CCDC102B: variants seen among roughly 807,000 people sequenced by gnomAD.
The protein encoded by CCDC102B is coiled-coil domain containing 102B.
CCDC102B carries 75 observed loss-of-function variants against 57.4 expected under a neutral mutation model. That is an observed-to-expected ratio of 1.31 (90% CI 1.08 to 1.58). The LOEUF is 1.58. CCDC102B is among the 40% of genes most tolerant of loss of function. CCDC102B has a pLI of 0.00. For missense variants in CCDC102B, 636 were observed against 582.6 expected (o/e 1.09, Z -0.94); for synonymous variants, 206 against 201.9 (o/e 1.02, Z -0.17).
At position 68,897,395 on chromosome 18, in the gene CCDC102B, G is replaced by C. The variant is rs377124130; in HGVS notation, c.1230G>C (p.Lys410Asn). ...LSANSQSPDF[K>N]MSQIDLQEKN... ...CAAACTCTCAAAGTCCTGATTTCAA[G>C]ATGTCACAAATTGATCTGCAAGAAA... is the stretch of plus-strand genomic sequence containing the variant. Residue 410 changes from lysine to asparagine, a missense_variant, in exon 6 of 8, where the codon AAG becomes AAC. Transcript: ENST00000360242. The C allele has an allele frequency of 6.2e-7, 1 of 1,611,848 alleles. No individual in the cohort carries two copies. The highest frequency in any genetic ancestry group is 8.5e-7 in the Non-Finnish European group (1 of 1,178,900).
chr18:69,024,115 G>A (rs2051921265), intron 7 of CCDC102B, among the ~76,000 whole-genome samples: 1 of 151,900 alleles, frequency 6.6e-6, no homozygotes, highest in Non-Finnish European at 1.5e-5. Context: ...ACGCTTTGGA[G>A]GTATTAAAGT....
intron 1 of CCDC102B, among the ~76,000 whole-genome samples, chr18:68,799,901 C>T (rs549135417): frequency 1.8e-4 from 27 of 152,198 alleles, no homozygotes; most frequent in African/African-American, 6.0e-4. Context: ...CTTAACATTG[C>T]ACACAGAAAA....
intron 7 of CCDC102B, among the ~76,000 whole-genome samples, chr18:69,045,314 C>CAAAAAA (rs2052533917): frequency 6.6e-6 from 1 of 151,940 alleles, no homozygotes; most frequent in Non-Finnish European, 1.5e-5. Flanking sequence ...TACAAACAAA[C>CAAAAAA]TTTTCTAGTG....
chr18:69,043,421 C>T (rs56317402), intron 7 of CCDC102B, among the ~76,000 whole-genome samples: 30 of 152,094 alleles, frequency 2.0e-4, no homozygotes, highest in Middle Eastern at 3.4e-3. Context: ...GGCTTGGGGA[C>T]GGTCAGGTCT....
intron 6 of CCDC102B, among the ~76,000 whole-genome samples, chr18:68,898,925 G>A (rs2040336589): frequency 6.6e-6 from 1 of 152,026 alleles, no homozygotes; most frequent in Non-Finnish European, 1.5e-5. Flanking sequence ...CCTGTTTGGA[G>A]CTGGCATTGG....
intron 6 of CCDC102B, among the ~76,000 whole-genome samples, chr18:68,923,547 C>A (rs2041362716): frequency 6.6e-6 from 1 of 151,890 alleles, no homozygotes; most frequent in African/African-American, 2.4e-5. Context: ...AAAAAGTTAG[C>A]TGATAGGTAT....
chr18:69,021,983 T>C (rs1351676293), intron 7 of CCDC102B, among the ~76,000 whole-genome samples: 1 of 152,158 alleles, frequency 6.6e-6, no homozygotes, highest in African/African-American at 2.4e-5. Context: ...TCTGCTCCTC[T>C]TCATAACTTG....
chr18:68,995,504 G>T (rs1207394060), intron 6 of CCDC102B, among the ~76,000 whole-genome samples: 1 of 152,118 alleles, frequency 6.6e-6, no homozygotes, highest in Non-Finnish European at 1.5e-5. Flanking sequence ...GTAGCTAAAA[G>T]GGGCCAACAT....
rs1423000385 is a variant in CCDC102B at position 68,789,955 on chromosome 18, G to C, written c.-66-33411G>C. Among the ~76,000 whole-genome samples the C allele has an allele frequency of 2.0e-5, 3 of 151,678 alleles. No homozygotes were observed. In the East Asian group the frequency reaches 5.8e-4, roughly 30 times the overall value. On this transcript the variant is annotated intron_variant, in intron 2 of 3. Transcript: ENST00000578970. Reference sequence around the variant, plus strand: ...TCTGTTCTGTTTTTTCCCCATCTTTGTGGTTTTATCTACTTTTGGTCTTTG... The same window carrying C: ...TCTGTTCTGTTTTTTCCCCATCTTTCTGGTTTTATCTACTTTTGGTCTTTG...
intron 1 of CCDC102B, among the ~76,000 whole-genome samples, chr18:68,798,857 T>C (rs1422650220): frequency 6.6e-6 from 1 of 152,076 alleles, no homozygotes; most frequent in East Asian, 1.9e-4. Context: ...TTGGGAAGCA[T>C]TTGCTTACGT....
At chr18:68,820,786 C>T (rs921814572) in intron 1 of CCDC102B, among the ~76,000 whole-genome samples, 10 of 152,124 alleles carry the variant, frequency 6.6e-5, no homozygotes, top group Non-Finnish European at 5.9e-5. Flanking sequence ...TGAGCAGAAA[C>T]AAGCATGGAT....
At chr18:68,835,024 G>A (rs1469064698) in intron 1 of CCDC102B, among the ~76,000 whole-genome samples, 1 of 151,966 alleles carries the variant, frequency 6.6e-6, no homozygotes, top group Non-Finnish European at 1.5e-5. Flanking sequence ...ATAAAAATGG[G>A]TAATTATATA....
At chr18:68,721,202 TATA>T (rs1212073508) in intron 2 of CCDC102B, 3 of 152,238 alleles carry the variant, frequency 2.0e-5, no homozygotes, top group Admixed American at 2.0e-4. Flanking sequence ...TTTATTGGAG[TATA>T]ATACATGTGC....
chr18:68,904,933 C>T (rs867846802), intron 6 of CCDC102B, among the ~76,000 whole-genome samples: 5 of 151,984 alleles, frequency 3.3e-5, no homozygotes, highest in South Asian at 2.1e-4. Context: ...AATCTCAGTC[C>T]CTACTAAATA....
intron 2 of CCDC102B, among the ~76,000 whole-genome samples, chr18:68,758,510 C>G (rs1568235334): frequency 6.6e-6 from 1 of 151,888 alleles, no homozygotes; most frequent in African/African-American, 2.4e-5. Flanking sequence ...GCACCATTAT[C>G]AGTAGGACTC....
chr18:68,774,891 T>C (rs2034758244), intron 2 of CCDC102B, among the ~76,000 whole-genome samples: 8 of 151,522 alleles, frequency 5.3e-5, no homozygotes, highest in Admixed American at 5.3e-4. Flanking sequence ...ACATAATCAG[T>C]ACCACTTATA....
At chr18:68,975,839 C>T (rs1311395556) in intron 6 of CCDC102B, among the ~76,000 whole-genome samples, 1 of 151,038 alleles carries the variant, frequency 6.6e-6, no homozygotes, top group African/African-American at 2.4e-5. Flanking sequence ...CCCAGTAGTG[C>T]CACTTTCATT....
At chr18:68,874,170 ATG>A (rs34176363) in intron 4 of CCDC102B, among the ~76,000 whole-genome samples, 17,352 of 137,924 alleles carry the variant, frequency 0.13, 1,310 homozygotes, top group African/African-American at 0.21. Flanking sequence ...GTGTGTGTGT[ATG>A]TGTGTGTGTG....
chr18:68,878,006 A>G (rs777695198), intron 5 of CCDC102B, among the ~76,000 whole-genome samples: 12 of 152,188 alleles, frequency 7.9e-5, no homozygotes, highest in Non-Finnish European at 1.6e-4. Context: ...TTAACTTTCT[A>G]TGAGGTCGAA....
Sources: gnomAD v4.1 joint callset for allele counts (sites outside exome capture counted in the v4.1 genomes callset) on GRCh38, gnomAD v4.1.1 for gene constraint, MANE v1.5 for transcripts, NCBI Gene and HGNC (gene_info 2026-07-23, HGNC 2026-07-21) for gene names.